Variants in GDAP2 observed in about 807,000 individuals in gnomAD.
GDAP2 encodes ganglioside induced differentiation associated protein 2, also known as ganglioside-induced differentiation-associated protein 2.
Under a neutral mutation model 67.0 loss-of-function variants are expected in GDAP2, and 51 were observed. The ratio of observed to expected loss-of-function variants is 0.76; its 90% CI spans 0.61 to 0.96. The LOEUF (loss-of-function observed/expected upper bound fraction) is 0.96. Ranked by LOEUF, GDAP2 falls within the 40% of genes least tolerant of loss-of-function variation. The pLI is 0.00. For synonymous variants in GDAP2, 203 were observed against 207.3 expected (o/e 0.98, Z 0.18); for missense variants, 547 against 588.3 (o/e 0.93, Z 0.73).
chr1:117,900,309 A>G (rs1392883052), intron 6 of GDAP2, among the ~76,000 whole-genome samples: 6 of 152,104 alleles, frequency 3.9e-5, no homozygotes, highest in Admixed American at 3.9e-4. Flanking sequence ...CAGTATTCAC[A>G]AAGGGGGTAC....
chr1:117,876,238 G>A (rs551136936), intron 13 of GDAP2, among the ~76,000 whole-genome samples: 33 of 152,174 alleles, frequency 2.2e-4, no homozygotes, highest in Middle Eastern at 6.8e-3. Context: ...TAGTTCCTGT[G>A]AAAGCTGGTT....
chr1:117,900,983 C>T (rs183422725), intron 6 of GDAP2, among the ~76,000 whole-genome samples: 1 of 152,194 alleles, frequency 6.6e-6, no homozygotes, highest in African/African-American at 2.4e-5. Context: ...CGGCTTGAAC[C>T]TGGGATTTGG....
At chr1:117,886,739 A>C (rs1648870186) in intron 9 of GDAP2, 86 bp from the exon 10 acceptor site, 1 of 756,142 alleles carries the variant, frequency 1.3e-6, no homozygotes. Context: ...AAAATATTCT[A>C]TGTGAATTTA....
intron 10 of GDAP2, among the ~76,000 whole-genome samples, chr1:117,886,132 T>C (rs1248576454): frequency 6.6e-6 from 1 of 152,196 alleles, no homozygotes; most frequent in Non-Finnish European, 1.5e-5. Flanking sequence ...ATTTTTCTTT[T>C]ATGAATCATC....
intron 13 of GDAP2, among the ~76,000 whole-genome samples, chr1:117,872,166 C>T (rs1242818057): frequency 1.1e-4 from 17 of 151,978 alleles, no homozygotes; most frequent in South Asian, 4.2e-4. Context: ...GTCAGAATGG[C>T]GATTACTAAA....
chr1:117,884,813 C>CATGTGTGTGTGT (rs376358688), intron 10 of GDAP2, among the ~76,000 whole-genome samples: 323 of 147,968 alleles, frequency 2.2e-3, no homozygotes, highest in Non-Finnish European at 3.5e-3. Flanking sequence ...TTATTCCCTC[C>CATGTGTGTGTGT]GTGTGTGTGT....
At position 117,878,087 on chromosome 1, in the gene GDAP2, G is replaced by C; in HGVS notation, c.1368C>G (p.Asp456Glu). The C allele has an allele frequency of 6.2e-7, 1 of 1,612,636 alleles. No individual in the cohort carries two copies. The highest frequency in any genetic ancestry group is 8.5e-7 in the Non-Finnish European group (1 of 1,178,846). Residue 456 changes from aspartate (D) to glutamate (E), a missense_variant, in exon 13 of 14, where the codon GAC (aspartate) becomes GAG (glutamate). By Grantham distance (45) the Asp-to-Glu change is conservative (BLOSUM62 2). Coordinates refer to ENST00000369443, the MANE Select transcript of GDAP2 (RefSeq NM_017686.4). ...TGGCAGAAAACAGCTGGTGGAGGCT[G>C]TCCACATGGTGGATTTTGTCCTTCA... is the stretch of plus-strand genomic sequence containing the variant. ...SGLKDKIHHV[D>E]SLHQLFSAIS...
In GDAP2 at chr1:117,866,982, AC is replaced by A. The variant is rs1236539372; in HGVS notation, c.*3586del. Reference sequence around the variant, plus strand: ...ATACAATCAATCCACTGCCACTAGAACCATGTAACTCTCCTCTATATAGTAC... The same window carrying A: ...ATACAATCAATCCACTGCCACTAGAACATGTAACTCTCCTCTATATAGTAC... On this transcript the variant is annotated 3_prime_UTR_variant, in exon 14 of 14. Transcript: ENST00000369443. 2 of 152,156 alleles carry A rather than the reference AC, an allele frequency of 1.3e-5. No individual in the cohort carries two copies. The highest frequency in any genetic ancestry group is 1.5e-5 in the Non-Finnish European group (1 of 68,012). 9.4% of individuals were successfully genotyped at this position (152,156 alleles called of 1,614,324 possible).
intron 3 of GDAP2, among the ~76,000 whole-genome samples, chr1:117,914,693 TACAA>T (rs1348666689): frequency 1.3e-5 from 2 of 152,092 alleles, no homozygotes; most frequent in Non-Finnish European, 2.9e-5. Context: ...ACCAGTAACA[TACAA>T]ACAATCAGGG....
intron 1 of GDAP2, among the ~76,000 whole-genome samples, chr1:117,925,790 C>T (rs1039173010): frequency 6.6e-6 from 1 of 152,128 alleles, no homozygotes; most frequent in Non-Finnish European, 1.5e-5. Flanking sequence ...TTATTGTGAG[C>T]ATTCAATGAG....
intron 6 of GDAP2, among the ~76,000 whole-genome samples, chr1:117,905,135 C>T (rs1649613890): frequency 6.6e-6 from 1 of 152,200 alleles, no homozygotes; most frequent in African/African-American, 2.4e-5. Flanking sequence ...TGGAGTACTG[C>T]AACCACCTGT....
chr1:117,906,681 TTCTCA>T, intron 5 of GDAP2, 99 bp from the exon 6 acceptor site: 1 of 671,742 alleles, frequency 1.5e-6, no homozygotes, highest in South Asian at 1.8e-5. Flanking sequence ...AATGGATCAC[TTCTCA>T]CTTCATTCAG....
chr1:117,871,645 A>G (rs974557046), intron 13 of GDAP2, among the ~76,000 whole-genome samples: 2 of 152,200 alleles, frequency 1.3e-5, no homozygotes, highest in African/African-American at 4.8e-5. Context: ...GCCATTCTTC[A>G]GCACAAATGC....
At chr1:117,910,614 T>G (rs894404808) in intron 5 of GDAP2, among the ~76,000 whole-genome samples, 4 of 152,198 alleles carry the variant, frequency 2.6e-5, no homozygotes, top group Non-Finnish European at 4.4e-5. Flanking sequence ...ATATAAGGCT[T>G]TCAGCTCTTC....
intron 6 of GDAP2, among the ~76,000 whole-genome samples, chr1:117,899,684 A>G (rs1334760716): frequency 6.6e-6 from 1 of 152,132 alleles, no homozygotes; most frequent in Admixed American, 6.5e-5. Flanking sequence ...GATGAATTTT[A>G]CTTAAAAAAA....
chr1:117,884,879 C>T (rs1648795023), intron 10 of GDAP2, among the ~76,000 whole-genome samples: 1 of 151,758 alleles, frequency 6.6e-6, no homozygotes, highest in Non-Finnish European at 1.5e-5. Flanking sequence ...CTCTCTGTCA[C>T]TCAGGCTGGA....
At chr1:117,911,854 C>T (rs1649867877) in intron 5 of GDAP2, 140 bp downstream of exon 5, 2 of 583,432 alleles carry the variant, frequency 3.4e-6, no homozygotes, top group African/African-American at 1.9e-5. Context: ...CAGCTCACTG[C>T]AGCCTTAAAC....
At chr1:117,913,331 A>C (rs1019288931) in intron 3 of GDAP2, 1 of 152,154 alleles carries the variant, frequency 6.6e-6, no homozygotes, top group African/African-American at 2.4e-5. Context: ...GAGGAGGTCC[A>C]GTTAAAAGTT....
intron 1 of GDAP2, among the ~76,000 whole-genome samples, chr1:117,929,158 A>G (rs1330904466): frequency 2.6e-5 from 4 of 151,996 alleles, no homozygotes; most frequent in African/African-American, 9.7e-5. Context: ...CGCCTGCCCC[A>G]TTTCACCTGC....
Sources: gnomAD v4.1 joint callset for allele counts (sites outside exome capture counted in the v4.1 genomes callset) on GRCh38, gnomAD v4.1.1 for gene constraint, MANE v1.5 for transcripts, NCBI Gene and HGNC (gene_info 2026-07-23, HGNC 2026-07-21) for gene names.